The following GTF2A1 variants were observed in gnomAD, a reference collection of about 807,000 sequenced individuals.
GTF2A1 encodes the protein transcription initiation factor IIA subunit 1.
A neutral mutation model predicts 54.1 loss-of-function variants in GTF2A1; 12 were observed. The observed-to-expected ratio is 0.22, with a 90% CI of 0.14 to 0.36. The LOEUF (loss-of-function observed/expected upper bound fraction) is 0.36, where lower values mean the gene tolerates loss of function less well. Ranked by LOEUF, GTF2A1 falls within the 10% of genes least tolerant of loss-of-function variation. The pLI is 1.00. For missense variants in GTF2A1, 335 were observed against 442.2 expected, an observed-to-expected ratio of 0.76 and a Z score of 2.17; for synonymous variants, 145 against 152.0, an observed-to-expected ratio of 0.95 and a Z score of 0.34.
At chr14:81,218,012 A>G (rs1339052945) in intron 1 of GTF2A1, among the ~76,000 whole-genome samples, 2 of 152,052 alleles carry the variant, frequency 1.3e-5, no homozygotes, top group Non-Finnish European at 2.9e-5. Flanking sequence ...CTAATTCTAT[A>G]TATAAGGAAA....
chr14:81,190,127 TAG>T (rs1231002375), intron 7 of GTF2A1, among the ~76,000 whole-genome samples: 2 of 152,036 alleles, frequency 1.3e-5, no homozygotes, highest in African/African-American at 2.4e-5. Flanking sequence ...GATAAATATA[TAG>T]AGAGTCCTAG....
At chr14:81,202,887 G>C (rs1281155460) in intron 3 of GTF2A1, 2 of 436,358 alleles carry the variant, frequency 4.6e-6, no homozygotes, top group African/African-American at 4.1e-5. Context: ...TTAAAATTAG[G>C]TATGAAAAGT....
In GTF2A1 at chr14:81,193,167, CT is replaced by C. The variant is rs766925954; in HGVS notation, c.613-329del. ...TGAGAATCTGAAAACCTGGGTCTAC[CT>C]TTTTTTTTTTTTTTTATAGATGGAG... On this transcript the variant is annotated intron_variant, in intron 6 of 8. Coordinates refer to ENST00000553612, the MANE Select transcript of GTF2A1 (RefSeq NM_015859.4). Among the ~76,000 whole-genome samples the C allele has an allele frequency of 6.3e-3, 879 of 139,638 alleles. 3 individuals are homozygous for C. Among genetic ancestry groups the C allele is most frequent in the Middle Eastern group, 0.019 (5 of 270 alleles). 91.6% of individuals were successfully genotyped at this position (139,638 alleles called of 152,430 possible). A position where few individuals can be genotyped will look rare whatever the true frequency, so the allele number is the denominator to read the frequency against.
intron 8 of GTF2A1, among the ~76,000 whole-genome samples, chr14:81,184,408 G>T (rs1034794767): frequency 6.6e-5 from 10 of 151,998 alleles, no homozygotes. Flanking sequence ...TTATTATACT[G>T]CACATGGTAT....
chr14:81,181,838 G>A (rs1439982183), intron 8 of GTF2A1, among the ~76,000 whole-genome samples: 11 of 152,066 alleles, frequency 7.2e-5, no homozygotes, highest in African/African-American at 2.4e-4. Flanking sequence ...CACTGCACCC[G>A]GCCAGGTACA....
At chr14:81,212,602 A>G (rs1178019991) in intron 2 of GTF2A1, among the ~76,000 whole-genome samples, 2 of 152,150 alleles carry the variant, frequency 1.3e-5, no homozygotes, top group Non-Finnish European at 1.5e-5. Context: ...AGCCTTATAC[A>G]AGCTTTTGAT....
chr14:81,187,236 T>C (rs942221782), intron 7 of GTF2A1, among the ~76,000 whole-genome samples: 7 of 151,552 alleles, frequency 4.6e-5, no homozygotes, highest in Admixed American at 1.3e-4. Context: ...GTGCCTGTAG[T>C]CCCAGCTACT....
intron 1 of GTF2A1, among the ~76,000 whole-genome samples, chr14:81,219,615 C>T (rs1893567406): frequency 6.6e-6 from 1 of 151,976 alleles, no homozygotes; most frequent in South Asian, 2.1e-4. Context: ...CATTTGGGAC[C>T]GGGCAAAAAA....
chr14:81,207,064 T>C (rs1893248403), intron 2 of GTF2A1, among the ~76,000 whole-genome samples: 1 of 152,200 alleles, frequency 6.6e-6, no homozygotes. Flanking sequence ...TTTAAATTTA[T>C]AAATATGATA....
chr14:81,189,948 A>G (rs1281260432), intron 7 of GTF2A1, among the ~76,000 whole-genome samples: 1 of 152,154 alleles, frequency 6.6e-6, no homozygotes, highest in Non-Finnish European at 1.5e-5. Context: ...AATAAAGCTA[A>G]AAGTTTACTC....
At position 81,196,130 on chromosome 14, in the gene GTF2A1, A is replaced by C; in HGVS notation, c.590T>G (p.Val197Gly). The change falls in exon 6 of 9, where the codon GTA becomes GGA. Residue 197 changes from valine (V) to glycine (G), a missense_variant. By Grantham distance (109) the Val-to-Gly change is moderately radical. This residue lies in a region of GTF2A1 where 306 missense variants were observed against 360.4 expected (regional missense o/e 0.85). Coordinates refer to ENST00000553612, the MANE Select transcript of GTF2A1 (RefSeq NM_015859.4). ...QVIPQMQPGG[V>G]QAPVIQQVLA... ...TACCTGCTGTATAACAGGAGCTTGT[A>C]CTCCACCAGGCTGCATTTGTGGTAT... The C allele has an allele frequency of 6.2e-7, 1 of 1,613,628 alleles. No homozygotes were observed. Among genetic ancestry groups the C allele is most frequent in the South Asian group, 1.1e-5 (1 of 91,068 alleles).
At chr14:81,188,019 C>T (rs1291633701) in intron 7 of GTF2A1, among the ~76,000 whole-genome samples, 1 of 152,152 alleles carries the variant, frequency 6.6e-6, no homozygotes, top group East Asian at 1.9e-4. Flanking sequence ...TATAGCTATT[C>T]TAGAAGGTGT....
At chr14:81,181,840 C>T (rs1225270258) in intron 8 of GTF2A1, among the ~76,000 whole-genome samples, 1 of 152,158 alleles carries the variant, frequency 6.6e-6, no homozygotes, top group East Asian at 1.9e-4. Context: ...CTGCACCCGG[C>T]CAGGTACAGA....
chr14:81,193,647 G>A lies in GTF2A1; in HGVS notation c.613-808C>T, dbSNP rs115403299. ...GCCATACCCCTAATATTCTGACTCAGTGTGAGATAAAAGCTAATTATTTTT... is the reference window on the plus strand; with the variant it reads ...GCCATACCCCTAATATTCTGACTCAATGTGAGATAAAAGCTAATTATTTTT... On this transcript the variant is annotated intron_variant, in intron 6 of 8. Transcript: ENST00000553612. 9.8e-3 allele frequency among the ~76,000 whole-genome samples: 1,490 copies of A among 152,292 alleles called. 29 individuals carry two copies. Among genetic ancestry groups the A allele is most frequent in the African/African-American group, 0.034 (1,426 of 41,560 alleles).
At chr14:81,214,233 A>C (rs1893436428) in intron 2 of GTF2A1, among the ~76,000 whole-genome samples, 1 of 152,102 alleles carries the variant, frequency 6.6e-6, no homozygotes, top group Non-Finnish European at 1.5e-5. Flanking sequence ...ACCACAACAA[A>C]TGTTCCTTAA....
chr14:81,207,139 G>GTACCTACCTACCTACCTACC (rs58629753), intron 2 of GTF2A1, among the ~76,000 whole-genome samples: 13 of 147,780 alleles, frequency 8.8e-5, no homozygotes, highest in African/African-American at 2.3e-4. Context: ...ACCTACCTAC[G>GTACCTACCTACCTACCTACC]TACCTACCTA....
Position 81,192,572 on chromosome 14 carries a change from C to T in GTF2A1, c.880G>A (p.Asp294Asn), listed in dbSNP as rs752413471. 3.7e-6 allele frequency: 6 copies of T among 1,613,570 alleles called. No homozygotes were observed. The African/African-American group carries it at 5.3e-5, about 14-fold the overall frequency. ...TCTTTCTCTTTGTCTTCCTCCTCATCATCATCATAGTCTTCTTCTTCATCT... is the reference window on the plus strand; with the variant it reads ...TCTTTCTCTTTGTCTTCCTCCTCATTATCATCATAGTCTTCTTCTTCATCT... Reference protein sequence around the residue: ...DEDEEEDYDDDEEEDKEKDGA... With the variant: ...DEDEEEDYDDNEEEDKEKDGA... Residue 294 changes from aspartate to asparagine, a missense_variant, in exon 7 of 9, where the codon GAT becomes AAT. Around this residue, in one of 2 missense-constraint regions of GTF2A1, gnomAD observed 306 missense variants for 360.4 expected, o/e 0.85. Transcript: ENST00000553612.
intron 7 of GTF2A1, among the ~76,000 whole-genome samples, chr14:81,186,467 A>C (rs1337663000): frequency 6.6e-6 from 1 of 151,538 alleles, no homozygotes; most frequent in Admixed American, 6.6e-5. Context: ...TTTTTTTCTT[A>C]AAGGCAGAAA....
At chr14:81,213,991 C>T (rs890646710) in intron 2 of GTF2A1, among the ~76,000 whole-genome samples, 36 of 151,964 alleles carry the variant, frequency 2.4e-4, no homozygotes, top group African/African-American at 8.5e-4. Flanking sequence ...TACAGGCACG[C>T]ACCACCATGC....
Sources: allele counts gnomAD v4.1 joint callset (sites outside exome capture counted in the v4.1 genomes callset), GRCh38; gene constraint gnomAD v4.1.1; regional missense constraint gnomAD v4.1.1; transcripts MANE v1.5; gene names NCBI Gene and HGNC (gene_info 2026-07-23, HGNC 2026-07-21).